NXN: variants seen among roughly 807,000 people sequenced by gnomAD.
NXN encodes nucleoredoxin 1.
Under a neutral mutation model 48.6 loss-of-function variants are expected in NXN, and 16 were observed. The observed-to-expected ratio is 0.33, with a 90% CI of 0.22 to 0.50. The LOEUF is 0.50. Among genes scored for constraint, NXN ranks in the 20% least tolerant of loss-of-function variants. The probability of loss-of-function intolerance (pLI) is 0.98; values close to 1 mark genes in which losing one functional copy is unlikely to be tolerated. For synonymous variants in NXN, 281 were observed against 269.6 expected, an observed-to-expected ratio of 1.04 and a Z score of -0.41; for missense variants, 492 against 605.5, an observed-to-expected ratio of 0.81 and a Z score of 1.97.
At chr17:810,733 T>C (rs1291156662) in intron 5 of NXN, among the ~76,000 whole-genome samples, 2 of 151,968 alleles carry the variant, frequency 1.3e-5, no homozygotes, top group South Asian at 2.1e-4. Flanking sequence ...CTACTAAAAA[T>C]ACAAAATTAG....
At chr17:845,617 A>G (rs916684346) in intron 1 of NXN, among the ~76,000 whole-genome samples, 4 of 152,252 alleles carry the variant, frequency 2.6e-5, no homozygotes, top group African/African-American at 4.8e-5. Context: ...GAGATACTCA[A>G]TAAATGGGGA....
intron 1 of NXN, among the ~76,000 whole-genome samples, chr17:936,570 G>A (rs1296648002): frequency 6.6e-6 from 1 of 151,582 alleles, no homozygotes; most frequent in Non-Finnish European, 1.5e-5. Context: ...GGACTTGGAG[G>A]AAGGGCAGGA....
chr17:838,536 A>G (rs1294572293), intron 1 of NXN, among the ~76,000 whole-genome samples: 1 of 152,240 alleles, frequency 6.6e-6, no homozygotes, highest in African/African-American at 2.4e-5. Context: ...AAAGTGCCAC[A>G]GGGATGAAAG....
chr17:847,675 G>A (rs2067879575), intron 1 of NXN, among the ~76,000 whole-genome samples: 1 of 152,080 alleles, frequency 6.6e-6, no homozygotes, highest in African/African-American at 2.4e-5. Context: ...ACGGACTGTG[G>A]CTTGCATTCT....
At chr17:856,487 CTTTTTTTTTTTT>C (rs35579004) in intron 1 of NXN, among the ~76,000 whole-genome samples, 2 of 121,100 alleles carry the variant, frequency 1.7e-5, no homozygotes, top group Non-Finnish European at 3.4e-5. Flanking sequence ...AAGTACTTGT[CTTTTTTTTTTTT>C]TTTTTTTTTG....
At chr17:890,936 T>C (rs2068409674) in intron 1 of NXN, among the ~76,000 whole-genome samples, 2 of 152,188 alleles carry the variant, frequency 1.3e-5, no homozygotes, top group Admixed American at 1.3e-4. Context: ...CACCACCTGC[T>C]TCACGAATAC....
At chr17:891,173 A>G (rs1373607950) in intron 1 of NXN, among the ~76,000 whole-genome samples, 2 of 152,082 alleles carry the variant, frequency 1.3e-5, no homozygotes, top group African/African-American at 4.8e-5. Context: ...TGACATCCTG[A>G]GCTCAGGCGA....
intron 1 of NXN, among the ~76,000 whole-genome samples, chr17:841,381 T>C (rs62067122): frequency 0.19 from 5,792 of 30,484 alleles, 358 homozygotes; most frequent in East Asian, 0.43. Flanking sequence ...CCACACACGG[T>C]GCATCTCACG....
chr17:967,235 T>C (rs1223526288), intron 1 of NXN, among the ~76,000 whole-genome samples: 7 of 152,116 alleles, frequency 4.6e-5, no homozygotes, highest in Non-Finnish European at 7.4e-5. Flanking sequence ...TGACCAGTTA[T>C]GGGATCAAGG....
intron 2 of NXN, among the ~76,000 whole-genome samples, chr17:824,293 C>T (rs558603368): frequency 6.9e-4 from 105 of 152,222 alleles, no homozygotes; most frequent in African/African-American, 2.4e-3. Context: ...GTGATCCACC[C>T]GCCTCAGCCT....
At chr17:888,624 T>C (rs2068374278) in intron 1 of NXN, among the ~76,000 whole-genome samples, 1 of 151,702 alleles carries the variant, frequency 6.6e-6, no homozygotes, top group Admixed American at 6.6e-5. Flanking sequence ...ACAGCTGGGA[T>C]GAGAGAGGAC....
chr17:928,050 A>T (rs1033304222), intron 1 of NXN, among the ~76,000 whole-genome samples: 1 of 151,984 alleles, frequency 6.6e-6, no homozygotes, highest in Admixed American at 6.6e-5. Context: ...TCTGGCCAAG[A>T]ATCTGGAGGA....
Position 958,439 on chromosome 17 carries a change from G to A in NXN, c.360+20880C>T, listed in dbSNP as rs913954223. 7.2e-5 allele frequency among the ~76,000 whole-genome samples: 11 copies of A among 152,138 alleles called. No homozygotes were observed. Among genetic ancestry groups the A allele is most frequent in the Non-Finnish European group, 1.5e-4 (10 of 68,034 alleles). ...AAACAGGAGGATCGCTTGAGGCCAGGCGTTCAAAACCAGCCCGGGCAACAT... is the reference window on the plus strand; with the variant it reads ...AAACAGGAGGATCGCTTGAGGCCAGACGTTCAAAACCAGCCCGGGCAACAT... On this transcript the variant is annotated intron_variant, in intron 1 of 7. Coordinates refer to ENST00000336868, the MANE Select transcript of NXN (RefSeq NM_022463.5). The surrounding 1 kb of genome is among the most constrained non-coding windows in gnomAD (Gnocchi z 6.9).
chr17:856,233 A>C (rs1191793289), intron 1 of NXN, among the ~76,000 whole-genome samples: 1 of 152,146 alleles, frequency 6.6e-6, no homozygotes, highest in Admixed American at 6.6e-5. Flanking sequence ...GCATTTGCCA[A>C]AAATATTTTG....
intron 1 of NXN, among the ~76,000 whole-genome samples, chr17:935,270 AG>A (rs71145795): frequency 0.26 from 39,721 of 151,952 alleles, 5,505 homozygotes; most frequent in South Asian, 0.36. Context: ...CTGGAATTAC[AG>A]GTGTGAGCCA....
chr17:944,863 C>T (rs2069024404), intron 1 of NXN, among the ~76,000 whole-genome samples: 2 of 151,958 alleles, frequency 1.3e-5, no homozygotes, highest in Non-Finnish European at 1.5e-5. Context: ...AAGCAGGGGC[C>T]ACACTGAGGG....
intron 6 of NXN, 48 bp downstream of exon 6, chr17:805,020 T>TCCCCCCCCCCCCCCACCCCCC: frequency 6.6e-7 from 1 of 1,512,884 alleles, no homozygotes; most frequent in Non-Finnish European, 9.0e-7. Flanking sequence ...GCCCCTCCTG[T>TCCCCCCCCCCCCCCACCCCCC]CCCGCCCCCC....
chr17:853,429 C>CA (rs1171392394), intron 1 of NXN, among the ~76,000 whole-genome samples: 1 of 151,964 alleles, frequency 6.6e-6, no homozygotes, highest in Non-Finnish European at 1.5e-5. Flanking sequence ...ACCTGGCTGA[C>CA]AGAGTGAGAC....
chr17:933,206 T>A (rs1261373878), intron 1 of NXN: 1 of 152,106 alleles, frequency 6.6e-6, no homozygotes, highest in Non-Finnish European at 1.5e-5. Context: ...AACGTCCACC[T>A]CTGAAACACA....
Sources: gnomAD v4.1 joint callset for allele counts (sites outside exome capture counted in the v4.1 genomes callset) on GRCh38, gnomAD v4.1.1 for gene constraint, Gnocchi (gnomAD v3.1) non-coding constraint, MANE v1.5 for transcripts, NCBI Gene and HGNC (gene_info 2026-07-23, HGNC 2026-07-21) for gene names.